STAB2: variants seen among roughly 807,000 people sequenced by gnomAD.
STAB2 encodes the protein stabilin-2.
STAB2 carries 288 observed loss-of-function variants against 338.1 expected under a neutral mutation model. The ratio of observed to expected loss-of-function variants is 0.85; its 90% confidence interval spans 0.77 to 0.94. The LOEUF is 0.94. Among genes scored for constraint, STAB2 ranks in the 40% least tolerant of loss-of-function variants. The pLI is 0.00. For missense variants in STAB2, 3,141 were observed against 3,210.1 expected, an observed-to-expected ratio of 0.98 and a Z score of 0.52; for synonymous variants, 1,202 against 1,193.3, an observed-to-expected ratio of 1.01 and a Z score of -0.15.
At chr12:103,655,676 A>T in intron 15 of STAB2, 95 bp downstream of exon 15, 6 of 1,494,300 alleles carry the variant, frequency 4.0e-6, no homozygotes, top group Non-Finnish European at 5.4e-6. Context: ...ATAGTAAATA[A>T]GTTGTACATG....
chr12:103,742,038 T>C (rs982208012), intron 55 of STAB2, among the ~76,000 whole-genome samples: 3 of 152,176 alleles, frequency 2.0e-5, no homozygotes, highest in African/African-American at 7.2e-5. Context: ...TCATTTGATC[T>C]TCACAATAAC....
chr12:103,749,841 C>CA (rs369556936), intron 59 of STAB2, among the ~76,000 whole-genome samples: 515 of 51,152 alleles, frequency 0.01, 114 homozygotes, highest in African/African-American at 0.025. Context: ...CTCTGTCTCA[C>CA]AAAAAAAAAA....
intron 22 of STAB2, among the ~76,000 whole-genome samples, chr12:103,673,361 T>G (rs1284693404): frequency 1.3e-5 from 2 of 152,126 alleles, no homozygotes; most frequent in Non-Finnish European, 2.9e-5. Context: ...TTTGTTTTGT[T>G]TTTGAGACAG....
Position 103,640,190 on chromosome 12 carries a change from T to C in STAB2, c.974T>C (p.Ile325Thr), listed in dbSNP as rs765275209. ...VPGVGCSMTDICKSDNPCHRN... is the reference protein window; with the variant it reads ...VPGVGCSMTDTCKSDNPCHRN... ...GGAGTGGGGTGCAGTATGACTGATATATGTAAATCAGATAACCCGTGTCAT... is the reference window on the plus strand; with the variant it reads ...GGAGTGGGGTGCAGTATGACTGATACATGTAAATCAGATAACCCGTGTCAT... Residue 325 changes from isoleucine (I) to threonine (T), a missense_variant, in exon 9 of 69, where the codon ATA (isoleucine) becomes ACA (threonine). By Grantham distance (89) the Ile-to-Thr change is moderately conservative. Coordinates refer to ENST00000388887, the MANE Select transcript of STAB2 (RefSeq NM_017564.10). The C allele has an allele frequency of 1.8e-5, 29 of 1,613,784 alleles. No individual in the cohort carries two copies. In the South Asian group the frequency reaches 2.4e-4, roughly 13 times the overall value.
chr12:103,587,620 C>G, intron 1 of STAB2, 63 bp downstream of exon 1: 1 of 1,397,798 alleles, frequency 7.2e-7, no homozygotes, highest in Non-Finnish European at 1.0e-6. Context: ...AAAAGCTTGT[C>G]GTTTTCCTCT....
intron 25 of STAB2, 38 bp downstream of exon 25, chr12:103,677,649 A>G (rs1876512270): frequency 5.7e-6 from 9 of 1,587,842 alleles, no homozygotes; most frequent in South Asian, 4.5e-5. Flanking sequence ...GAAAGCAGGA[A>G]TCCTGCAGTG....
chr12:103,749,107 G>T lies in STAB2; in HGVS notation c.6389G>T (p.Gly2130Val). 6.2e-7 allele frequency: 1 copy of T among 1,612,446 alleles called. No individual in the cohort carries two copies. The highest frequency in any genetic ancestry group is 8.5e-7 in the Non-Finnish European group (1 of 1,178,740). Residue 2130 changes from glycine (G) to valine (V), a missense_variant, in exon 59 of 69, where the codon GGC becomes GTC. Gly to Val is a moderately radical substitution (Grantham distance 109). Coordinates refer to ENST00000388887, the MANE Select transcript of STAB2 (RefSeq NM_017564.10). ...ACAGAGATAGACCCCTGTGCAGACG[G>T]CCTTAACGGAGGGTGTCACGAGCAC... is the stretch of plus-strand genomic sequence containing the variant. ...SCTEIDPCAD[G>V]LNGGCHEHAT...
At chr12:103,648,935 C>G (rs1463930308) in intron 10 of STAB2, 112 bp downstream of exon 10, 2 of 1,457,928 alleles carry the variant, frequency 1.4e-6, no homozygotes, top group African/African-American at 1.4e-5. Flanking sequence ...TTAGAATCAG[C>G]CTTTTTGGAG....
At chr12:103,690,871 G>A (rs1877878203) in intron 30 of STAB2, among the ~76,000 whole-genome samples, 1 of 152,150 alleles carries the variant, frequency 6.6e-6, no homozygotes, top group Non-Finnish European at 1.5e-5. Context: ...TTAAGACCTG[G>A]TTATTAGTAA....
At chr12:103,711,021 T>A (rs2139000174) in intron 39 of STAB2, among the ~76,000 whole-genome samples, 1 of 149,432 alleles carries the variant, frequency 6.7e-6, no homozygotes, top group South Asian at 2.1e-4. Flanking sequence ...AAATCTTTTA[T>A]AATTATAGTT....
At position 103,623,835 on chromosome 12, in the gene STAB2, C is replaced by T. The variant is rs1283983480; in HGVS notation, c.487+1724C>T. On this transcript the variant is annotated intron_variant, in intron 5 of 68. Coordinates refer to ENST00000388887, the MANE Select transcript of STAB2 (RefSeq NM_017564.10). The stretch of plus-strand genomic sequence containing the variant: ...CACTTAGAGTGTTTATAGGGAGCAC[C>T]CAGGCCAAGCGCTCGTCCTAAGGTT... 3.3e-5 allele frequency among the ~76,000 whole-genome samples: 5 copies of T among 152,160 alleles called. No individual in the cohort carries two copies. In the East Asian group the frequency reaches 9.6e-4, roughly 29 times the overall value.
intron 39 of STAB2, among the ~76,000 whole-genome samples, chr12:103,709,212 CAGAA>C (rs559640777): frequency 3.4e-4 from 52 of 152,080 alleles, no homozygotes; most frequent in Non-Finnish European, 4.7e-4. Context: ...GAATTTCAGG[CAGAA>C]AGAAGCACCT....
intron 3 of STAB2, among the ~76,000 whole-genome samples, chr12:103,615,482 G>A (rs1957195997): frequency 6.6e-6 from 1 of 152,198 alleles, no homozygotes; most frequent in Non-Finnish European, 1.5e-5. Flanking sequence ...GCCTGCCCTG[G>A]CATCTCTACC....
At chr12:103,746,544 T>G (rs1593320194) in intron 57 of STAB2, 53 bp from the exon 58 acceptor site, 1 of 1,573,010 alleles carries the variant, frequency 6.4e-7, no homozygotes, top group Non-Finnish European at 8.7e-7. Context: ...CTTAGATGGG[T>G]TTTAACTCTT....
chr12:103,683,216 G>A lies in STAB2; in HGVS notation c.2817G>A (p.Glu939=), dbSNP rs1298123428. 6 of 1,612,784 alleles carry A rather than the reference G, an allele frequency of 3.7e-6. No homozygotes were observed. Among genetic ancestry groups the A allele is most frequent in the Middle Eastern group, 1.7e-4 (1 of 6,052 alleles). Residue 939 remains glutamate (E), a synonymous_variant, in exon 26 of 69, where the codon GAG becomes GAA. Transcript: ENST00000388887. ...LYVGPGQNEC[E]CKKGFRGNGI... is the part of the protein sequence containing the mutation. ...TCTTAAAATTATAGAATGAGTGTGA[G>A]TGCAAGAAAGGATTTCGAGGAAATG...
At chr12:103,717,963 AC>A in intron 44 of STAB2, 122 bp downstream of exon 44, 1 of 927,692 alleles carries the variant, frequency 1.1e-6, no homozygotes, top group Non-Finnish European at 1.7e-6. Flanking sequence ...CTGTGTGTTG[AC>A]CATGAGGCTT....
chr12:103,740,822 CT>C, intron 55 of STAB2, 66 bp downstream of exon 55: 1 of 1,490,922 alleles, frequency 6.7e-7, no homozygotes. Flanking sequence ...GTTGTCCAGT[CT>C]TTGAATGTAC....
chr12:103,640,607 T>C (rs1219949770), intron 9 of STAB2, among the ~76,000 whole-genome samples: 1 of 152,228 alleles, frequency 6.6e-6, no homozygotes, highest in Non-Finnish European at 1.5e-5. Flanking sequence ...GCCTGTTTCC[T>C]CACTCATGAC....
At chr12:103,716,383 G>A (rs752416201) in intron 43 of STAB2, among the ~76,000 whole-genome samples, 53 of 152,258 alleles carry the variant, frequency 3.5e-4, no homozygotes, top group Non-Finnish European at 6.6e-4. Context: ...AGAGAATGGG[G>A]GTCACAGGGT....
Sources: gnomAD v4.1 joint callset for allele counts (sites outside exome capture counted in the v4.1 genomes callset) on GRCh38, gnomAD v4.1.1 for gene constraint, MANE v1.5 for transcripts, NCBI Gene and HGNC (gene_info 2026-07-23, HGNC 2026-07-21) for gene names.